Variants in CEP112 observed in about 807,000 individuals in gnomAD.
CEP112 encodes centrosomal protein of 112 kDa.
In CEP112, 127 loss-of-function variants were observed where a neutral mutation model predicts 153.0. The observed-to-expected ratio is 0.83, with a 90% CI of 0.72 to 0.96. The LOEUF (loss-of-function observed/expected upper bound fraction) is 0.96, where lower values mean the gene tolerates loss of function less well. CEP112 is among the 40% of genes least tolerant of loss of function. CEP112 has a pLI of 0.00. For missense variants in CEP112, 1,089 were observed against 1,101.2 expected, an observed-to-expected ratio of 0.99 and a Z score of 0.16; for synonymous variants, 358 against 374.4, an observed-to-expected ratio of 0.96 and a Z score of 0.51.
At chr17:65,641,780 G>A (rs560154993) in intron 24 of CEP112, among the ~76,000 whole-genome samples, 1 of 152,170 alleles carries the variant, frequency 6.6e-6, no homozygotes, top group Admixed American at 6.5e-5. Flanking sequence ...CCTCCAAACT[G>A]TCAGGTAGTT....
intron 4 of CEP112, among the ~76,000 whole-genome samples, chr17:66,166,028 C>A (rs1004325000): frequency 4.2e-4 from 64 of 152,148 alleles, no homozygotes; most frequent in Non-Finnish European, 8.1e-4. Flanking sequence ...CAAGTTCTTT[C>A]TTACAGGTAT....
rs181248012 is a variant in CEP112, at chr17:65,765,827, G to T, written c.2395-15103C>A. On this transcript the variant is annotated intron_variant, in intron 21 of 26. Transcript: ENST00000535342. ...AGGGCCAGCACACCCTTTTCAACCA[G>T]CACATTAAGGTCTATCTGCAGATGA... Among the ~76,000 whole-genome samples, 234 of 152,118 alleles carry T rather than the reference G, an allele frequency of 1.5e-3. 1 individual carries two copies. Among genetic ancestry groups the T allele is most frequent in the African/African-American group, 5.5e-3 (228 of 41,514 alleles).
chr17:65,812,471 G>A (rs967582190), intron 21 of CEP112, among the ~76,000 whole-genome samples: 10 of 152,042 alleles, frequency 6.6e-5, no homozygotes, highest in Non-Finnish European at 1.5e-4. Context: ...GCTCCAAAAC[G>A]ACCCTAAGAG....
At chr17:66,014,850 C>T (rs191763570) in intron 16 of CEP112, among the ~76,000 whole-genome samples, 7 of 152,288 alleles carry the variant, frequency 4.6e-5, no homozygotes, top group Non-Finnish European at 8.8e-5. Flanking sequence ...CCAGTCTTCC[C>T]AATGTCCTAC....
chr17:65,943,203 A>G (rs931901286), intron 18 of CEP112, among the ~76,000 whole-genome samples: 1 of 152,234 alleles, frequency 6.6e-6, no homozygotes, highest in Non-Finnish European at 1.5e-5. Flanking sequence ...TAGTGTTCTC[A>G]ACAAGAAAAA....
chr17:65,714,570 T>C (rs1057302497), intron 23 of CEP112, among the ~76,000 whole-genome samples: 1 of 152,202 alleles, frequency 6.6e-6, no homozygotes, highest in African/African-American at 2.4e-5. Context: ...AAAAATTACA[T>C]GACTTTGCCG....
chr17:66,004,939 C>T (rs1015271742), intron 17 of CEP112, among the ~76,000 whole-genome samples: 1 of 152,288 alleles, frequency 6.6e-6, no homozygotes, highest in East Asian at 1.9e-4. Flanking sequence ...ACCGTATTGA[C>T]CTTCCTCCAA....
At chr17:65,864,870 C>A (rs2058429931) in intron 20 of CEP112, among the ~76,000 whole-genome samples, 1 of 151,640 alleles carries the variant, frequency 6.6e-6, no homozygotes, top group South Asian at 2.1e-4. Context: ...ACTATAGCCA[C>A]TATAGCCACT....
At position 65,743,148 on chromosome 17, in the gene CEP112, C is replaced by T. The variant is rs1193305171; in HGVS notation, c.2527G>A (p.Glu843Lys). 1.9e-6 allele frequency: 3 copies of T among 1,613,216 alleles called. No individual in the cohort carries two copies. In the South Asian group the frequency reaches 3.3e-5, roughly 18 times the overall value. The change falls in exon 23 of 27, where the codon GAA (glutamate) becomes AAA (lysine). Residue 843 changes from glutamate to lysine, a missense_variant. By Grantham distance (56) the Glu-to-Lys change is moderately conservative (BLOSUM62 1). Coordinates refer to ENST00000535342, the MANE Select transcript of CEP112 (RefSeq NM_001199165.4). Reference sequence around the variant, plus strand: ...TGTCTAACATCCTGGAGCCGCCTTTCTGCAGCAAGCTGCTGCTGGCTGTTC... The same window carrying T: ...TGTCTAACATCCTGGAGCCGCCTTTTTGCAGCAAGCTGCTGCTGGCTGTTC... The part of the protein sequence containing the change: ...EENSQQQLAA[E>K]RRLQDVRQKF...
chr17:66,144,220 A>G (rs2070828078), intron 4 of CEP112, among the ~76,000 whole-genome samples: 1 of 152,156 alleles, frequency 6.6e-6, no homozygotes, highest in Non-Finnish European at 1.5e-5. Flanking sequence ...TTTTCATCAC[A>G]CCCAAAAATT....
intron 6 of CEP112, among the ~76,000 whole-genome samples, chr17:66,110,383 T>C (rs72837143): frequency 2.0e-5 from 3 of 151,004 alleles, no homozygotes; most frequent in East Asian, 2.0e-4. Context: ...AATAAAACTA[T>C]AGTAATGTAG....
intron 21 of CEP112, among the ~76,000 whole-genome samples, chr17:65,761,510 T>C (rs1479425553): frequency 6.6e-6 from 1 of 152,142 alleles, no homozygotes; most frequent in Admixed American, 6.6e-5. Context: ...ATTTTAGATA[T>C]TTCTTCTTGT....
intron 8 of CEP112, among the ~76,000 whole-genome samples, chr17:66,076,238 G>A (rs2067489373): frequency 2.6e-5 from 1 of 38,166 alleles, no homozygotes; most frequent in Non-Finnish European, 5.0e-5. Flanking sequence ...AACCCAGTGT[G>A]CAGACTCCAC....
intron 24 of CEP112, among the ~76,000 whole-genome samples, chr17:65,674,332 C>T (rs1295773244): frequency 6.6e-6 from 1 of 152,242 alleles, no homozygotes; most frequent in Non-Finnish European, 1.5e-5. Flanking sequence ...TTAGGCAAGG[C>T]AGGGAAGAAT....
At chr17:65,915,914 CCTGTA>C (rs1012088749) in intron 19 of CEP112, among the ~76,000 whole-genome samples, 18 of 152,176 alleles carry the variant, frequency 1.2e-4, no homozygotes, top group African/African-American at 4.1e-4. Flanking sequence ...CAAAATCTAC[CCTGTA>C]CTGTACTTTG....
chr17:66,093,228 G>A (rs1195209715), intron 8 of CEP112, among the ~76,000 whole-genome samples: 1 of 152,150 alleles, frequency 6.6e-6, no homozygotes, highest in Non-Finnish European at 1.5e-5. Flanking sequence ...TGTAATGCCA[G>A]CTACTGGGGA....
chr17:65,654,308 T>C (rs1008625280), intron 24 of CEP112, among the ~76,000 whole-genome samples: 3 of 152,184 alleles, frequency 2.0e-5, no homozygotes, highest in Non-Finnish European at 2.9e-5. Flanking sequence ...ATAACTGCAA[T>C]TTTCTTAACA....
intron 4 of CEP112, among the ~76,000 whole-genome samples, chr17:66,145,047 T>C (rs1043074920): frequency 1.3e-5 from 2 of 152,230 alleles, no homozygotes; most frequent in Admixed American, 6.5e-5. Flanking sequence ...TCTCAGTCTT[T>C]ATAATTTTAG....
chr17:65,794,294 T>C (rs117172704), intron 21 of CEP112, among the ~76,000 whole-genome samples: 1 of 152,358 alleles, frequency 6.6e-6, no homozygotes, highest in Non-Finnish European at 1.5e-5. Context: ...TAAATATTCA[T>C]TAAAAGAATA....
Sources: gnomAD v4.1 joint callset for allele counts (sites outside exome capture counted in the v4.1 genomes callset) on GRCh38, gnomAD v4.1.1 for gene constraint, MANE v1.5 for transcripts, NCBI Gene and HGNC (gene_info 2026-07-23, HGNC 2026-07-21) for gene names.